The following MDFIC2 variants were observed in gnomAD, a reference collection of about 807,000 sequenced individuals.
MDFIC2 encodes MyoD family inhibitor domain containing 2, also known as myoD family inhibitor domain-containing protein 2.
chr3:70,217,185 C>A (rs1182653556), intron 2 of MDFIC2, among the ~76,000 whole-genome samples: 2 of 151,982 alleles, frequency 1.3e-5, no homozygotes, highest in Non-Finnish European at 2.9e-5. Context: ...CCTGGGAGAC[C>A]GTAGGTACTC....
intron 2 of MDFIC2, among the ~76,000 whole-genome samples, chr3:70,294,393 C>G (rs1347230962): frequency 6.6e-6 from 1 of 152,038 alleles, no homozygotes; most frequent in Non-Finnish European, 1.5e-5. Flanking sequence ...GCATTCACTG[C>G]TGACAGACAC....
At position 70,206,669 on chromosome 3, in the gene MDFIC2, T is replaced by C. The variant is rs915241936; in HGVS notation, c.210A>G (p.Lys70=). Residue 70 remains lysine (K), a synonymous_variant, in exon 3 of 4, where the codon AAA becomes AAG. Transcript: ENST00000567252. ...ACAGTGATGTGCTGGATTCTGACAG[T>C]TTTTTCTCATTGGGGTTTTCCTTGG... The part of the protein sequence containing the change: ...GPAKENPNEK[K]LSESSTSLSS... 3 of 397,844 alleles carry C rather than the reference T, an allele frequency of 7.5e-6. No homozygotes were observed. The highest frequency in any genetic ancestry group is 1.3e-5 in the Non-Finnish European group (3 of 225,646). 24.6% of individuals were successfully genotyped at this position (397,844 alleles called of 1,614,324 possible).
chr3:70,270,296 G>A (rs562868813), intron 2 of MDFIC2, among the ~76,000 whole-genome samples: 10 of 152,124 alleles, frequency 6.6e-5, no homozygotes, highest in Non-Finnish European at 1.3e-4. Flanking sequence ...ATATTTCAAA[G>A]CATGGGAAAT....
rs914480723 is a variant in MDFIC2, at chr3:70,211,084, C to T, written c.89-4294G>A. Among the ~76,000 whole-genome samples the T allele has an allele frequency of 2.6e-5, 4 of 152,074 alleles. 1 individual carries two copies. The South Asian group carries it at 8.3e-4, about 31-fold the overall frequency. On this transcript the variant is annotated intron_variant, in intron 2 of 3. Transcript: ENST00000567252. ...TGCATCCATGTTTTCTCTCATTTGA[C>T]TCTTCATAGATAAAAGCATTCAAAT...
At chr3:70,288,535 A>G (rs1431312238) in intron 2 of MDFIC2, among the ~76,000 whole-genome samples, 2 of 149,878 alleles carry the variant, frequency 1.3e-5, no homozygotes, top group African/African-American at 2.5e-5. Flanking sequence ...TGTATATTCT[A>G]TTGATTTGGG....
intron 2 of MDFIC2, among the ~76,000 whole-genome samples, chr3:70,207,110 A>C (rs542418100): frequency 1.3e-5 from 2 of 151,252 alleles, no homozygotes; most frequent in South Asian, 2.1e-4. Flanking sequence ...CTCATAGTAC[A>C]TTGTCAGCCT....
At chr3:70,225,961 T>C (rs2106740398) in intron 2 of MDFIC2, among the ~76,000 whole-genome samples, 1 of 152,234 alleles carries the variant, frequency 6.6e-6, no homozygotes, top group South Asian at 2.1e-4. Flanking sequence ...CTTACGTCAT[T>C]AACAATGTAG....
intron 2 of MDFIC2, among the ~76,000 whole-genome samples, chr3:70,290,717 G>C (rs944875886): frequency 6.6e-5 from 10 of 152,094 alleles, no homozygotes; most frequent in Non-Finnish European, 1.5e-5. Context: ...GTGAGACTCC[G>C]TGGGCGTAGG....
intron 2 of MDFIC2, among the ~76,000 whole-genome samples, chr3:70,274,585 C>A (rs1702003995): frequency 6.6e-6 from 1 of 151,982 alleles, no homozygotes; most frequent in Non-Finnish European, 1.5e-5. Context: ...ACAATGAGGA[C>A]ACATGGACAC....
chr3:70,205,309 T>C (rs1002303696), intron 3 of MDFIC2: 5 of 152,092 alleles, frequency 3.3e-5, no homozygotes, highest in African/African-American at 1.2e-4. Flanking sequence ...CAGCTTGCCA[T>C]AGTCCTCACC....
chr3:70,301,985 G>A (rs1702353265), intron 2 of MDFIC2, among the ~76,000 whole-genome samples: 1 of 151,986 alleles, frequency 6.6e-6, no homozygotes, highest in African/African-American at 2.4e-5. Context: ...TTTCTGCAGG[G>A]TAGCTATTTC....
chr3:70,275,345 C>T (rs1702013621), intron 2 of MDFIC2, among the ~76,000 whole-genome samples: 1 of 151,826 alleles, frequency 6.6e-6, no homozygotes, highest in Non-Finnish European at 1.5e-5. Context: ...CTCGTCTCTA[C>T]AAAAAATAAA....
At chr3:70,244,352 G>A (rs1479916039) in intron 2 of MDFIC2, among the ~76,000 whole-genome samples, 2 of 152,168 alleles carry the variant, frequency 1.3e-5, no homozygotes, top group Non-Finnish European at 2.9e-5. Context: ...CTCTTTGAGT[G>A]AGTTACATCT....
chr3:70,205,553 T>A (rs1048421915), intron 3 of MDFIC2: 6 of 150,974 alleles, frequency 4.0e-5, no homozygotes, highest in Non-Finnish European at 7.4e-5. Context: ...TTATACGTTA[T>A]TTTTTTTTGA....
chr3:70,245,671 T>TTA (rs34480688), intron 2 of MDFIC2, among the ~76,000 whole-genome samples: 9,883 of 56,790 alleles, frequency 0.17, 1,037 homozygotes, highest in Non-Finnish European at 0.22. Flanking sequence ...GCAAACTGCT[T>TTA]TATATATATA....
At chr3:70,308,048 T>A (rs1267153551) in intron 2 of MDFIC2, among the ~76,000 whole-genome samples, 1 of 152,036 alleles carries the variant, frequency 6.6e-6, no homozygotes, top group Non-Finnish European at 1.5e-5. Context: ...TCCTGCCTGG[T>A]GCATATATTT....
intron 2 of MDFIC2, among the ~76,000 whole-genome samples, chr3:70,248,258 G>A (rs771424194): frequency 9.9e-5 from 15 of 152,054 alleles, no homozygotes; most frequent in Non-Finnish European, 1.6e-4. Flanking sequence ...ATGATCTTAC[G>A]TAGAATATTA....
In MDFIC2 at chr3:70,280,546, T is replaced by C. The variant is rs571675616; in HGVS notation, c.88+31340A>G. Among the ~76,000 whole-genome samples, 3 of 152,240 alleles carry C rather than the reference T, an allele frequency of 2.0e-5. 1 individual carries two copies. The highest frequency in any genetic ancestry group is 7.2e-5 in the African/African-American group (3 of 41,544). ...AGCATTATCTCTACTTTTGCCTGTATTGAATGTTGGGACTCAGAAAACGAT... is the reference window on the plus strand; with the variant it reads ...AGCATTATCTCTACTTTTGCCTGTACTGAATGTTGGGACTCAGAAAACGAT... On this transcript the variant is annotated intron_variant, in intron 2 of 3. Transcript: ENST00000567252.
chr3:70,285,525 C>G (rs1187935820), intron 2 of MDFIC2, among the ~76,000 whole-genome samples: 1 of 151,776 alleles, frequency 6.6e-6, no homozygotes, highest in Non-Finnish European at 1.5e-5. Context: ...AATACGTGTG[C>G]ATGTGTCTTT....
Sources: gnomAD v4.1 joint callset for allele counts (sites outside exome capture counted in the v4.1 genomes callset) on GRCh38, gnomAD v4.1.1 for gene constraint, MANE v1.5 for transcripts, NCBI Gene and HGNC (gene_info 2026-07-23, HGNC 2026-07-21) for gene names.